The following SMIM35 variants were observed in gnomAD, a reference collection of about 807,000 sequenced individuals.
SMIM35 encodes the protein TMPRSS4 antisense RNA 1 (non-protein coding).
chr11:118,020,020 T>TG (rs2058213453), intron 1 of SMIM35, among the ~76,000 whole-genome samples: 1 of 152,214 alleles, frequency 6.6e-6, no homozygotes, highest in South Asian at 2.1e-4. Context: ...TCCCAGCATT[T>TG]GGGAGGCCAA....
chr11:118,076,661 A>G (rs1040186031), intron 1 of SMIM35, among the ~76,000 whole-genome samples: 37 of 151,944 alleles, frequency 2.4e-4, no homozygotes, highest in African/African-American at 8.0e-4. Context: ...TAAGAGAAGA[A>G]ACTCCCTCCT....
intron 1 of SMIM35, among the ~76,000 whole-genome samples, chr11:118,028,190 G>C (rs1049385084): frequency 1.9e-4 from 29 of 152,192 alleles, no homozygotes; most frequent in African/African-American, 6.8e-4. Flanking sequence ...GAGCAGTAGG[G>C]AGTCAGTGTA....
chr11:118,037,106 C>A (rs1009378480), intron 1 of SMIM35, among the ~76,000 whole-genome samples: 4 of 91,608 alleles, frequency 4.4e-5, no homozygotes, highest in Admixed American at 1.1e-4. Flanking sequence ...GTCTCTCAGT[C>A]CCCCCTCTCA....
chr11:118,084,278 G>A (rs925734074), intron 1 of SMIM35, among the ~76,000 whole-genome samples: 3 of 152,124 alleles, frequency 2.0e-5, no homozygotes, highest in African/African-American at 7.2e-5. Flanking sequence ...CCTGTGCTCT[G>A]TGCACTGTAA....
At chr11:118,062,911 G>A (rs1417291128) in intron 1 of SMIM35, among the ~76,000 whole-genome samples, 3 of 152,116 alleles carry the variant, frequency 2.0e-5, no homozygotes, top group African/African-American at 4.8e-5. Flanking sequence ...AGGTCATAAA[G>A]ACCTTGCTGA....
intron 1 of SMIM35, among the ~76,000 whole-genome samples, chr11:118,069,188 C>A (rs936517736): frequency 6.6e-6 from 1 of 152,236 alleles, no homozygotes; most frequent in African/African-American, 2.4e-5. Context: ...ATCGGGCCAC[C>A]CCCTCAGTTC....
chr11:118,038,449 A>T (rs1175039393), intron 1 of SMIM35, among the ~76,000 whole-genome samples: 2 of 152,160 alleles, frequency 1.3e-5, no homozygotes, highest in Admixed American at 6.5e-5. Flanking sequence ...TTAAAATGTT[A>T]CTTTTCTATA....
chr11:118,084,022 A>G (rs1945353116), intron 1 of SMIM35, among the ~76,000 whole-genome samples: 1 of 152,194 alleles, frequency 6.6e-6, no homozygotes, highest in Admixed American at 6.5e-5. Context: ...TGGGCAACAG[A>G]GCGAGACTCC....
At chr11:118,064,873 A>C (rs1488768043) in intron 1 of SMIM35, among the ~76,000 whole-genome samples, 1 of 152,160 alleles carries the variant, frequency 6.6e-6, no homozygotes, top group Non-Finnish European at 1.5e-5. Flanking sequence ...TCATATTTCT[A>C]GACTCAAGCG....
intron 1 of SMIM35, among the ~76,000 whole-genome samples, chr11:118,036,414 AT>A (rs1193184292): frequency 1.3e-5 from 2 of 152,228 alleles, no homozygotes; most frequent in East Asian, 1.9e-4. Context: ...GAAAGTTTCC[AT>A]TTTTTTAAGT....
chr11:118,034,625 G>A (rs1346787809), intron 1 of SMIM35, among the ~76,000 whole-genome samples: 4 of 152,174 alleles, frequency 2.6e-5, no homozygotes, highest in Admixed American at 6.5e-5. Context: ...TTGGAGAATC[G>A]CCTGGGAGGC....
At chr11:118,066,754 G>A (rs575430127) in intron 1 of SMIM35, among the ~76,000 whole-genome samples, 1 of 151,578 alleles carries the variant, frequency 6.6e-6, no homozygotes, top group Non-Finnish European at 1.5e-5. Flanking sequence ...GAACTGAGGA[G>A]ATCAAGACTG....
chr11:118,032,569 A>G (rs1416451787), intron 1 of SMIM35, among the ~76,000 whole-genome samples: 1 of 152,116 alleles, frequency 6.6e-6, no homozygotes, highest in Non-Finnish European at 1.5e-5. Flanking sequence ...ATCTTCCTGC[A>G]TAGTTTATTT....
intron 1 of SMIM35, among the ~76,000 whole-genome samples, chr11:118,068,054 G>A (rs1944511134): frequency 1.3e-5 from 2 of 151,820 alleles, no homozygotes; most frequent in East Asian, 1.9e-4. Flanking sequence ...TAAGGTCTGT[G>A]TCCAAATTCC....
At chr11:118,070,665 C>T (rs532415967) in intron 1 of SMIM35, among the ~76,000 whole-genome samples, 23 of 152,282 alleles carry the variant, frequency 1.5e-4, no homozygotes, top group African/African-American at 5.3e-4. Context: ...ACGGGATGGA[C>T]TCACAAATAA....
intron 1 of SMIM35, chr11:118,025,404 A>C (rs1183177894): frequency 7.4e-6 from 3 of 405,582 alleles, no homozygotes; most frequent in Non-Finnish European, 1.5e-5. Flanking sequence ...TTACATTTCG[A>C]CCAACAGTGT....
At chr11:118,033,027 T>G (rs765881984) in intron 1 of SMIM35, among the ~76,000 whole-genome samples, 31 of 152,262 alleles carry the variant, frequency 2.0e-4, no homozygotes, top group Admixed American at 5.9e-4. Context: ...GACATTTGCA[T>G]GCACACGCAT....
intron 1 of SMIM35, among the ~76,000 whole-genome samples, chr11:118,030,376 C>T (rs1047437752): frequency 4.6e-5 from 7 of 151,970 alleles, no homozygotes; most frequent in African/African-American, 1.5e-4. Flanking sequence ...TTCACAGAAA[C>T]GTAATGCTGG....
At chr11:118,068,745 A>T (rs1944524656) in intron 1 of SMIM35, among the ~76,000 whole-genome samples, 1 of 152,164 alleles carries the variant, frequency 6.6e-6, no homozygotes, top group Non-Finnish European at 1.5e-5. Flanking sequence ...CTACTGGGAA[A>T]AGCGAGAAAC....
Sources: allele counts gnomAD v4.1 joint callset (sites outside exome capture counted in the v4.1 genomes callset), GRCh38; gene constraint gnomAD v4.1.1; transcripts MANE v1.5; gene names NCBI Gene and HGNC (gene_info 2026-07-23, HGNC 2026-07-21).